CARF: variants seen among roughly 807,000 people sequenced by gnomAD.
The protein encoded by CARF is calcium-responsive transcription factor.
CARF carries 57 observed loss-of-function variants against 82.0 expected under a neutral mutation model. The ratio of observed to expected loss-of-function variants is 0.70; its 90% CI spans 0.56 to 0.87. CARF has a LOEUF of 0.87. Ranked by LOEUF, CARF falls within the 40% of genes least tolerant of loss-of-function variation. The pLI is 0.00. For missense variants in CARF, 771 were observed against 855.8 expected (o/e 0.90, Z 1.24); for synonymous variants, 268 against 290.1 (o/e 0.92, Z 0.77).
chr2:202,956,078 A>ATT (rs889746102), intron 8 of CARF, among the ~76,000 whole-genome samples: 2 of 134,528 alleles, frequency 1.5e-5, no homozygotes, highest in Admixed American at 7.4e-5. Context: ...GCTTGCACTT[A>ATT]TTTTTTTTTT....
intron 1 of CARF, among the ~76,000 whole-genome samples, chr2:202,914,277 T>C (rs1292055774): frequency 2.6e-5 from 4 of 152,170 alleles, no homozygotes; most frequent in African/African-American, 9.6e-5. Flanking sequence ...GTTTTTTGTT[T>C]TATATATATA....
intron 3 of CARF, among the ~76,000 whole-genome samples, chr2:202,926,248 T>G (rs1239186387): frequency 2.0e-5 from 3 of 152,158 alleles, no homozygotes; most frequent in Non-Finnish European, 4.4e-5. Context: ...CCTAGGGTGG[T>G]TCCTAGACGA....
In CARF at chr2:202,935,152, A is replaced by G. The variant is rs1052585221; in HGVS notation, c.-43-6708A>G. Among the ~76,000 whole-genome samples, 3 of 141,698 alleles carry G rather than the reference A, an allele frequency of 2.1e-5. No individual in the cohort carries two copies. The East Asian group carries it at 6.0e-4, about 28-fold the overall frequency. 93.0% of individuals were successfully genotyped at this position (141,698 alleles called of 152,430 possible). A position where few individuals can be genotyped will look rare whatever the true frequency, so the allele number is the denominator to read the frequency against. ...TAATTATATAATATAATTATAATAT[A>G]TACTCCTGTATATATTTAAATATAA... On this transcript the variant is annotated intron_variant, in intron 3 of 16. Coordinates refer to ENST00000438828, the MANE Select transcript of CARF (RefSeq NM_024744.17).
In CARF at chr2:202,987,932, T is replaced by C. The variant is rs1419880416; in HGVS notation, c.*4308T>C. Reference sequence around the variant, plus strand: ...ATAAGCAAGGTAATGAACATATTCATCACTCTCAAAGTTTCATAGTACCTC... The same window carrying C: ...ATAAGCAAGGTAATGAACATATTCACCACTCTCAAAGTTTCATAGTACCTC... On this transcript the variant is annotated 3_prime_UTR_variant, in exon 17 of 17. Coordinates refer to ENST00000438828, the MANE Select transcript of CARF (RefSeq NM_024744.17). Among the ~76,000 whole-genome samples the C allele has an allele frequency of 1.3e-5, 2 of 152,210 alleles. No individual in the cohort carries two copies. Among genetic ancestry groups the C allele is most frequent in the African/African-American group, 2.4e-5 (1 of 41,466 alleles).
intron 6 of CARF, among the ~76,000 whole-genome samples, chr2:202,953,457 C>T (rs2058852426): frequency 8.1e-6 from 1 of 122,900 alleles, no homozygotes. Context: ...TATAGTCTTT[C>T]TTTACCTGTT....
intron 3 of CARF, among the ~76,000 whole-genome samples, chr2:202,936,884 C>T (rs936665397): frequency 6.6e-6 from 1 of 152,212 alleles, no homozygotes; most frequent in African/African-American, 2.4e-5. Flanking sequence ...AATGCAAAGA[C>T]ATGAAGATTT....
chr2:202,950,942 ATC>A lies in CARF; in HGVS notation c.307-1615_307-1614del, dbSNP rs533691710. On this transcript the variant is annotated intron_variant, in intron 5 of 16. Coordinates refer to ENST00000438828, the MANE Select transcript of CARF (RefSeq NM_024744.17). ...ATTCCCATTCTTAATTTTGGGAACT[ATC>A]TATGATTATATTAATATTTAAAGCA... 4.8e-3 allele frequency among the ~76,000 whole-genome samples: 734 copies of A among 152,342 alleles called. 4 individuals are homozygous for A. Among genetic ancestry groups the A allele is most frequent in the Non-Finnish European group, 7.1e-3 (483 of 68,032 alleles).
At chr2:202,953,691 T>C (rs973100603) in intron 6 of CARF, among the ~76,000 whole-genome samples, 2 of 152,024 alleles carry the variant, frequency 1.3e-5, no homozygotes, top group African/African-American at 4.8e-5. Context: ...GAAAACATTA[T>C]GAGCACAGTA....
At chr2:202,919,688 A>T (rs891080515) in intron 2 of CARF, among the ~76,000 whole-genome samples, 1 of 152,202 alleles carries the variant, frequency 6.6e-6, no homozygotes, top group Non-Finnish European at 1.5e-5. Context: ...TATCCAGAAA[A>T]AGATTTAAAG....
At chr2:202,976,915 G>T (rs1302233635) in intron 13 of CARF, among the ~76,000 whole-genome samples, 3 of 151,924 alleles carry the variant, frequency 2.0e-5, no homozygotes, top group African/African-American at 7.3e-5. Flanking sequence ...TCACTTTGTT[G>T]CCCAGGCTGG....
At chr2:202,968,789 A>G (rs1437027012) in intron 10 of CARF, among the ~76,000 whole-genome samples, 1 of 152,258 alleles carries the variant, frequency 6.6e-6, no homozygotes, top group Non-Finnish European at 1.5e-5. Flanking sequence ...ATCAGGAAAC[A>G]AAAACTAGTA....
intron 8 of CARF, among the ~76,000 whole-genome samples, chr2:202,960,154 CT>C (rs1197900809): frequency 1.3e-5 from 2 of 152,082 alleles, no homozygotes; most frequent in African/African-American, 4.8e-5. Context: ...AATTCTGTGC[CT>C]TTTAGATTTA....
rs533930581 is a variant in CARF, at chr2:202,970,015, T to C, written c.1050T>C (p.Ala350=). ...TTATCAGAATGGAGCAGGAGAAAGCTTTTAACATGCTAAAGAAGAACTTGG... is the reference window on the plus strand; with the variant it reads ...TTATCAGAATGGAGCAGGAGAAAGCCTTTAACATGCTAAAGAAGAACTTGG... ...KKIIRMEQEK[A]FNMLKKNLVD... Residue 350 remains alanine, a synonymous_variant, in exon 11 of 17, where the codon GCT becomes GCC. Coordinates refer to ENST00000438828, the MANE Select transcript of CARF (RefSeq NM_024744.17). 1 of 1,579,864 alleles carries C rather than the reference T, an allele frequency of 6.3e-7. No individual in the cohort carries two copies. Among genetic ancestry groups the C allele is most frequent in the Non-Finnish European group, 8.5e-7 (1 of 1,170,286 alleles).
chr2:202,982,552 T>A (rs1274182579), intron 16 of CARF, 111 bp downstream of exon 16: 1 of 1,227,174 alleles, frequency 8.1e-7, no homozygotes, highest in Non-Finnish European at 1.1e-6. Context: ...TATGATATTA[T>A]GTAAATGAAG....
chr2:202,953,926 A>G, intron 6 of CARF, 79 bp from the exon 7 acceptor site: 1 of 1,246,060 alleles, frequency 8.0e-7, no homozygotes. Flanking sequence ...TATTACAAAT[A>G]CATAAGTTTT....
chr2:202,912,448 A>C lies in CARF; in HGVS notation c.-984A>C. On this transcript the variant is annotated 5_prime_UTR_variant, in exon 1 of 17. Coordinates refer to ENST00000438828, the MANE Select transcript of CARF (RefSeq NM_024744.17). ...AGGTCTGGCAGCGCTGTCTGCGCAG[A>C]CCTACCGGACGCTACCTCCCAACCC... The C allele has an allele frequency of 1.1e-5, 1 of 91,694 alleles. No individual in the cohort carries two copies. Among genetic ancestry groups the C allele is most frequent in the Non-Finnish European group, 2.4e-5 (1 of 41,350 alleles). 5.7% of individuals were successfully genotyped at this position (91,694 alleles called of 1,614,324 possible).
chr2:202,934,873 C>T (rs1052191560), intron 3 of CARF, among the ~76,000 whole-genome samples: 2 of 151,530 alleles, frequency 1.3e-5, no homozygotes, highest in Non-Finnish European at 2.9e-5. Context: ...GTCAGGAGTT[C>T]GATACCAGCC....
At chr2:202,973,751 T>A (rs1045807526) in intron 12 of CARF, among the ~76,000 whole-genome samples, 1 of 152,232 alleles carries the variant, frequency 6.6e-6, no homozygotes, top group Non-Finnish European at 1.5e-5. Flanking sequence ...AAAAACATTA[T>A]TATACTTAAA....
At chr2:202,916,260 G>C (rs1031087784) in intron 1 of CARF, among the ~76,000 whole-genome samples, 1 of 151,794 alleles carries the variant, frequency 6.6e-6, no homozygotes, top group Non-Finnish European at 1.5e-5. Context: ...GGCTCCCTGC[G>C]ACCTGTGCTT....
Sources: gnomAD v4.1 joint callset for allele counts (sites outside exome capture counted in the v4.1 genomes callset) on GRCh38, gnomAD v4.1.1 for gene constraint, MANE v1.5 for transcripts, NCBI Gene and HGNC (gene_info 2026-07-23, HGNC 2026-07-21) for gene names.